AUTS2: variants seen among roughly 807,000 people sequenced by gnomAD.
The protein encoded by AUTS2 is autism susceptibility gene 2 protein.
A neutral mutation model predicts 112.4 loss-of-function variants in AUTS2; 17 were observed. The ratio of observed to expected loss-of-function variants is 0.15; its 90% CI spans 0.10 to 0.23. The LOEUF (loss-of-function observed/expected upper bound fraction) is 0.23, where lower values mean the gene tolerates loss of function less well. Among genes scored for constraint, AUTS2 ranks in the 10% least tolerant of loss-of-function variants. The probability of loss-of-function intolerance (pLI) is 1.00; values close to 1 mark genes in which losing one functional copy is unlikely to be tolerated. For missense variants in AUTS2, 1,510 were observed against 1,701.6 expected (o/e 0.89, Z 1.98); for synonymous variants, 751 against 702.7 (o/e 1.07, Z -1.09).
rs758499832 is a variant in AUTS2 at position 70,763,227 on chromosome 7, C to G, written c.1100C>G (p.Pro367Arg). Residue 367 changes from proline (P) to arginine (R), a missense_variant, in exon 7 of 19, where the codon CCC becomes CGC. Physicochemically the swap from Pro to Arg is moderately radical, Grantham distance 103. This residue lies in a region of AUTS2 where 535 missense variants were observed against 594.3 expected (regional missense o/e 0.90). Coordinates refer to ENST00000342771, the MANE Select transcript of AUTS2 (RefSeq NM_015570.4). The part of the protein sequence containing the change: ...QVQRPPRPQS[P>R]TQLLHQNLPP... ...CAGAGGCCACCCAGGCCACAGTCCC[C>G]CACCCAGCTGCTCCATCAGAACCTC... is the stretch of plus-strand genomic sequence containing the variant. The G allele has an allele frequency of 4.2e-5, 68 of 1,613,968 alleles. No homozygotes were observed. Among genetic ancestry groups the G allele is most frequent in the Non-Finnish European group, 5.6e-5 (66 of 1,180,010 alleles).
At chr7:70,390,187 A>G (rs17141545) in intron 4 of AUTS2, among the ~76,000 whole-genome samples, 10,702 of 152,290 alleles carry the variant, frequency 0.07, 460 homozygotes, top group East Asian at 0.14. Context: ...AGAAGTACCA[A>G]TAGCTTTGTA....
In AUTS2 at chr7:70,364,854, A is replaced by G. The variant is rs140171343; in HGVS notation, c.661-70898A>G. The stretch of plus-strand genomic sequence containing the variant: ...GACCAATGTGTTCAATGTAGTTTTA[A>G]GGAAATAAAATATTTTTTATTTATG... On this transcript the variant is annotated intron_variant, in intron 4 of 18. Coordinates refer to ENST00000342771, the MANE Select transcript of AUTS2 (RefSeq NM_015570.4). Among the ~76,000 whole-genome samples, 411 of 152,242 alleles carry G rather than the reference A, an allele frequency of 2.7e-3. 1 individual carries two copies. The highest frequency in any genetic ancestry group is 0.01 in the Middle Eastern group (3 of 294).
At chr7:70,432,073 T>A (rs10274474) in intron 4 of AUTS2, among the ~76,000 whole-genome samples, 69,669 of 152,110 alleles carry the variant, frequency 0.46, 17,224 homozygotes, top group African/African-American at 0.65. Flanking sequence ...AAATGGAGGA[T>A]ATATTTTTAG....
intron 1 of AUTS2, among the ~76,000 whole-genome samples, chr7:69,856,688 C>T (rs1792738036): frequency 6.6e-6 from 1 of 152,188 alleles, no homozygotes; most frequent in Admixed American, 6.5e-5. Flanking sequence ...CTCCTCACAC[C>T]TACTCACTTA....
chr7:70,060,038 A>G (rs1395419516), intron 2 of AUTS2, among the ~76,000 whole-genome samples: 1 of 152,238 alleles, frequency 6.6e-6, no homozygotes. Context: ...GAGAAAGAAA[A>G]GCATTTCAGT....
chr7:70,362,687 TTTA>T (rs1304764090), intron 4 of AUTS2, among the ~76,000 whole-genome samples: 2 of 152,110 alleles, frequency 1.3e-5, no homozygotes, highest in Non-Finnish European at 2.9e-5. Context: ...CCTCTTTGAT[TTTA>T]TTTTTTAATC....
chr7:70,062,093 G>A (rs1219330044), intron 2 of AUTS2, among the ~76,000 whole-genome samples: 1 of 151,898 alleles, frequency 6.6e-6, no homozygotes, highest in Non-Finnish European at 1.5e-5. Context: ...CAGCCGAGTT[G>A]TTTCTTCCCT....
intron 5 of AUTS2, among the ~76,000 whole-genome samples, chr7:70,491,544 A>C (rs997425591): frequency 1.4e-5 from 2 of 147,544 alleles, no homozygotes; most frequent in Admixed American, 1.4e-4. Flanking sequence ...ATATACACAT[A>C]TATGTTATAT....
intron 2 of AUTS2, among the ~76,000 whole-genome samples, chr7:69,954,123 A>T (rs1797129175): frequency 6.6e-6 from 1 of 152,152 alleles, no homozygotes; most frequent in Non-Finnish European, 1.5e-5. Flanking sequence ...ATATAAGTAT[A>T]CATTGTGAAT....
At chr7:69,702,303 G>A (rs1028388018) in intron 1 of AUTS2, among the ~76,000 whole-genome samples, 7 of 152,170 alleles carry the variant, frequency 4.6e-5, no homozygotes, top group Admixed American at 1.3e-4. Context: ...ACAAATAAAA[G>A]GGCTGTAGTT....
chr7:69,832,140 C>T (rs1487601550), intron 1 of AUTS2, among the ~76,000 whole-genome samples: 5 of 152,160 alleles, frequency 3.3e-5, no homozygotes, highest in African/African-American at 9.7e-5. Context: ...CAACCCCCTA[C>T]CCTGCTCCCC....
Position 69,897,632 on chromosome 7 carries a change from T to C in AUTS2, c.310-1654T>C, listed in dbSNP as rs192021823. On this transcript the variant is annotated intron_variant, in intron 1 of 18. Transcript: ENST00000342771. ...AAATGGCTGGGTATGGTGGCAGGCA[T>C]CTGTAACCCCAGCTACTCGGGAGGC... 3.0e-3 allele frequency among the ~76,000 whole-genome samples: 443 copies of C among 149,982 alleles called. 5 individuals are homozygous for C. The highest frequency in any genetic ancestry group is 0.011 in the African/African-American group (429 of 40,834).
chr7:70,496,119 G>A (rs1278329472), intron 5 of AUTS2, among the ~76,000 whole-genome samples: 2 of 109,350 alleles, frequency 1.8e-5, no homozygotes, highest in Non-Finnish European at 3.6e-5. Flanking sequence ...ACATGCACAC[G>A]TCACATCAGC....
chr7:70,654,664 T>A (rs1480726080), intron 5 of AUTS2, among the ~76,000 whole-genome samples: 1 of 152,242 alleles, frequency 6.6e-6, no homozygotes, highest in African/African-American at 2.4e-5. Context: ...AGAAATGAGA[T>A]GAAATTCTGT....
At chr7:70,150,058 A>G (rs1807343930) in intron 4 of AUTS2, among the ~76,000 whole-genome samples, 1 of 152,146 alleles carries the variant, frequency 6.6e-6, no homozygotes, top group African/African-American at 2.4e-5. Flanking sequence ...AAGATTTATT[A>G]AACTAATCTT....
In AUTS2 at chr7:70,792,194, A is replaced by C. The variant is rs945759151; in HGVS notation, c.*1198A>C. 2.6e-5 allele frequency: 4 copies of C among 152,648 alleles called. No individual in the cohort carries two copies. The highest frequency in any genetic ancestry group is 9.6e-5 in the African/African-American group (4 of 41,460). The allele number at this position is 152,648 out of a possible 1,614,324, so 9.5% of individuals were successfully genotyped here. On this transcript the variant is annotated 3_prime_UTR_variant, in exon 19 of 19. Transcript: ENST00000342771. ...GGTGATCAAGTCTGGGAACAGCCGT[A>C]ACAGGTCAACCTTGTGGAGCCATCG...
intron 1 of AUTS2, among the ~76,000 whole-genome samples, chr7:69,839,380 G>A (rs1430405558): frequency 6.6e-6 from 1 of 152,174 alleles, no homozygotes; most frequent in Non-Finnish European, 1.5e-5. Context: ...GAGCAAAGCA[G>A]TAGCTCAGTA....
chr7:70,227,416 C>T (rs1053414805), intron 4 of AUTS2, among the ~76,000 whole-genome samples: 4 of 151,830 alleles, frequency 2.6e-5, no homozygotes, highest in African/African-American at 9.7e-5. Context: ...GCATATAATT[C>T]AATGAGTTTT....
chr7:69,617,080 T>C (rs1009826197), intron 1 of AUTS2, among the ~76,000 whole-genome samples: 2 of 152,048 alleles, frequency 1.3e-5, no homozygotes, highest in African/African-American at 4.8e-5. Flanking sequence ...ATATAATATG[T>C]TGGGAGGTGA....
Sources: gnomAD v4.1 joint callset for allele counts (sites outside exome capture counted in the v4.1 genomes callset) on GRCh38, gnomAD v4.1.1 for gene constraint, gnomAD v4.1.1 regional missense constraint, MANE v1.5 for transcripts, NCBI Gene and HGNC (gene_info 2026-07-23, HGNC 2026-07-21) for gene names.